The following SORCS2 variants were observed in gnomAD, a reference collection of about 807,000 sequenced individuals.
The protein encoded by SORCS2 is sortilin related VPS10 domain containing receptor 2.
In SORCS2, 100 loss-of-function variants were observed where a neutral mutation model predicts 141.6. The ratio of observed to expected loss-of-function variants is 0.71; its 90% confidence interval spans 0.60 to 0.83. SORCS2 has a LOEUF of 0.83. Among genes scored for constraint, SORCS2 ranks in the 40% least tolerant of loss-of-function variants. The pLI, the probability that SORCS2 is intolerant of heterozygous loss-of-function variation, is 0.00. For synonymous variants in SORCS2, 789 were observed against 676.9 expected, an observed-to-expected ratio of 1.17 and a Z score of -2.57; for missense variants, 1,646 against 1,560.2, an observed-to-expected ratio of 1.05 and a Z score of -0.93.
chr4:7,608,309 C>G (rs1718187076), intron 3 of SORCS2, among the ~76,000 whole-genome samples: 1 of 152,210 alleles, frequency 6.6e-6, no homozygotes, highest in Non-Finnish European at 1.5e-5. Flanking sequence ...ATTGCACACC[C>G]CAGGATCTCC....
At chr4:7,445,272 C>A (rs1435517414) in intron 2 of SORCS2, among the ~76,000 whole-genome samples, 2 of 152,088 alleles carry the variant, frequency 1.3e-5, no homozygotes, top group East Asian at 3.9e-4. Flanking sequence ...GGAGCAAGTA[C>A]AGAAGTCACA....
intron 1 of SORCS2, among the ~76,000 whole-genome samples, chr4:7,247,592 A>G (rs1237736370): frequency 6.6e-6 from 1 of 152,246 alleles, no homozygotes; most frequent in Non-Finnish European, 1.5e-5. Context: ...GATTTGGAAC[A>G]TAAACAGGGC....
chr4:7,329,532 TG>T (rs1719506764), intron 1 of SORCS2, among the ~76,000 whole-genome samples: 1 of 152,190 alleles, frequency 6.6e-6, no homozygotes, highest in Admixed American at 6.5e-5. Flanking sequence ...TAGCTCAGTC[TG>T]GGGGAGAGGC....
intron 3 of SORCS2, among the ~76,000 whole-genome samples, chr4:7,533,750 A>G (rs896929986): frequency 1.3e-5 from 2 of 152,366 alleles, no homozygotes; most frequent in African/African-American, 4.8e-5. Context: ...GTGAGGTCAG[A>G]CAGAGCTGCT....
intron 3 of SORCS2, among the ~76,000 whole-genome samples, chr4:7,570,362 G>A: frequency 6.6e-6 from 1 of 152,214 alleles, no homozygotes. Context: ...GGGCCTCCTG[G>A]GACGCAGACC....
At chr4:7,599,976 A>G (rs1034154808) in intron 3 of SORCS2, among the ~76,000 whole-genome samples, 2 of 151,932 alleles carry the variant, frequency 1.3e-5, no homozygotes, top group African/African-American at 4.8e-5. Context: ...GGTCTGTGCC[A>G]CCACAACCAG....
rs76267353 is a variant in SORCS2, at chr4:7,557,837, G to T, written c.648+26208G>T. ...AAGTGGGGGCACGGTGCCCCATGCC[G>T]ACGTGAAGAGTAGCCCTGCACCCAC... On this transcript the variant is annotated intron_variant, in intron 3 of 26. Coordinates refer to ENST00000507866, the MANE Select transcript of SORCS2 (RefSeq NM_020777.3). Among the ~76,000 whole-genome samples, 303 of 152,316 alleles carry T rather than the reference G, an allele frequency of 2.0e-3. 3 individuals carry two copies. Among genetic ancestry groups the T allele is most frequent in the African/African-American group, 7.1e-3 (296 of 41,572 alleles).
intron 1 of SORCS2, among the ~76,000 whole-genome samples, chr4:7,325,603 T>A (rs1404900396): frequency 6.6e-6 from 1 of 152,108 alleles, no homozygotes; most frequent in Non-Finnish European, 1.5e-5. Context: ...ACTCTATGGA[T>A]CTGGACTGTA....
chr4:7,258,697 T>G (rs557623373), intron 1 of SORCS2, among the ~76,000 whole-genome samples: 1 of 152,346 alleles, frequency 6.6e-6, no homozygotes, highest in Non-Finnish European at 1.5e-5. Context: ...GTATTTCTAG[T>G]TCTAGATCCT....
intron 2 of SORCS2, among the ~76,000 whole-genome samples, chr4:7,418,096 C>T (rs1209603829): frequency 6.6e-6 from 1 of 152,194 alleles, no homozygotes; most frequent in Non-Finnish European, 1.5e-5. Context: ...TCTTCCTCCT[C>T]CTCCTCACCA....
chr4:7,523,901 GC>G (rs1302846306), intron 2 of SORCS2, among the ~76,000 whole-genome samples: 1 of 152,188 alleles, frequency 6.6e-6, no homozygotes, highest in Non-Finnish European at 1.5e-5. Flanking sequence ...CCCTCCTTGG[GC>G]CCCTGGGGCT....
In SORCS2 at chr4:7,263,211, G is replaced by A. The variant is rs143061862; in HGVS notation, c.480+70085G>A. Among the ~76,000 whole-genome samples, 366 of 152,282 alleles carry A rather than the reference G, an allele frequency of 2.4e-3. 4 individuals are homozygous for A. The highest frequency in any genetic ancestry group is 8.6e-3 in the African/African-American group (357 of 41,570). On this transcript the variant is annotated intron_variant, in intron 1 of 26. Coordinates refer to ENST00000507866, the MANE Select transcript of SORCS2 (RefSeq NM_020777.3). ...TTGTTTTAAATACTCAATAAATGACGGTTGTATTAGTAATAAGAGGACTTT... is the reference window on the plus strand; with the variant it reads ...TTGTTTTAAATACTCAATAAATGACAGTTGTATTAGTAATAAGAGGACTTT...
intron 3 of SORCS2, among the ~76,000 whole-genome samples, chr4:7,548,171 A>G (rs1013686593): frequency 2.6e-5 from 4 of 152,150 alleles, no homozygotes; most frequent in African/African-American, 9.6e-5. Flanking sequence ...TCCAACACAT[A>G]TTACCAACCT....
intron 1 of SORCS2, among the ~76,000 whole-genome samples, chr4:7,224,645 A>G (rs1728895943): frequency 6.6e-6 from 1 of 152,230 alleles, no homozygotes. Flanking sequence ...TGAGAACTCC[A>G]TCCCCGTGAC....
At chr4:7,339,331 G>T (rs961776967) in intron 1 of SORCS2, among the ~76,000 whole-genome samples, 1 of 152,232 alleles carries the variant, frequency 6.6e-6, no homozygotes, top group African/African-American at 2.4e-5. Flanking sequence ...GAGGACTCCT[G>T]ACTGCAGTGC....
chr4:7,736,771 C>G (rs1290659831), intron 25 of SORCS2, among the ~76,000 whole-genome samples: 1 of 152,158 alleles, frequency 6.6e-6, no homozygotes, highest in Non-Finnish European at 1.5e-5. Context: ...CTCTCCCCAC[C>G]ACATGCCCAC....
chr4:7,283,278 C>T (rs948986442), intron 1 of SORCS2, among the ~76,000 whole-genome samples: 1 of 152,172 alleles, frequency 6.6e-6, no homozygotes, highest in Non-Finnish European at 1.5e-5. Flanking sequence ...GACAGTTTCC[C>T]TGCGGGAGAG....
chr4:7,570,573 G>A (rs1334720736), intron 3 of SORCS2, among the ~76,000 whole-genome samples: 9 of 152,208 alleles, frequency 5.9e-5, no homozygotes, highest in East Asian at 5.8e-4. Flanking sequence ...CTGTAGATCC[G>A]CCACCCTGCA....
intron 1 of SORCS2, among the ~76,000 whole-genome samples, chr4:7,391,782 T>C (rs560325757): frequency 6.6e-6 from 1 of 152,322 alleles, no homozygotes; most frequent in African/African-American, 2.4e-5. Context: ...GATGGCATCC[T>C]GAGTTCCTGT....
Sources: gnomAD v4.1 joint callset for allele counts (sites outside exome capture counted in the v4.1 genomes callset) on GRCh38, gnomAD v4.1.1 for gene constraint, MANE v1.5 for transcripts, NCBI Gene and HGNC (gene_info 2026-07-23, HGNC 2026-07-21) for gene names.